Variants in GLUD1 observed in about 807,000 individuals in gnomAD.
GLUD1 encodes glutamate dehydrogenase 1, mitochondrial.
Under a neutral mutation model 56.0 loss-of-function variants are expected in GLUD1, and 22 were observed. The observed-to-expected ratio is 0.39, with a 90% CI of 0.28 to 0.56. The LOEUF (loss-of-function observed/expected upper bound fraction) is 0.56. GLUD1 is among the 20% of genes least tolerant of loss of function. The pLI is 0.58. For missense variants in GLUD1, 451 were observed against 732.0 expected (o/e 0.62, Z 4.43); for synonymous variants, 223 against 269.9 (o/e 0.83, Z 1.70).
chr10:87,072,952 T>C (rs1846278383), intron 4 of GLUD1, among the ~76,000 whole-genome samples: 1 of 152,176 alleles, frequency 6.6e-6, no homozygotes, highest in Non-Finnish European at 1.5e-5. Flanking sequence ...ACAGACTCCA[T>C]GTAAGGATGC....
intron 5 of GLUD1, 123 bp from the exon 6 acceptor site, chr10:87,062,958 G>T: frequency 1.2e-6 from 1 of 856,264 alleles, no homozygotes; most frequent in Admixed American, 2.1e-5. Flanking sequence ...AGGAGTGTGT[G>T]TATGAATGTA....
At chr10:87,093,779 T>A (rs1841609535) in intron 1 of GLUD1, among the ~76,000 whole-genome samples, 2 of 152,214 alleles carry the variant, frequency 1.3e-5, no homozygotes, top group Admixed American at 1.3e-4. Context: ...GATTAACGCG[T>A]GATTAGTAAA....
chr10:87,054,939 T>C (rs548149350), intron 11 of GLUD1, among the ~76,000 whole-genome samples: 15 of 152,210 alleles, frequency 9.9e-5, no homozygotes, highest in African/African-American at 3.6e-4. Flanking sequence ...AGGAGCTGGG[T>C]AGATGCGGAA....
intron 12 of GLUD1, 131 bp from the exon 13 acceptor site, chr10:87,052,001 G>C: frequency 6.1e-6 from 6 of 991,210 alleles, no homozygotes. Flanking sequence ...GGCAGCCAAA[G>C]ACAAACTACT....
At chr10:87,057,631 T>C (rs1845819518) in intron 11 of GLUD1, 60 bp downstream of exon 11, 1 of 881,822 alleles carries the variant, frequency 1.1e-6, no homozygotes, top group Admixed American at 1.7e-5. Context: ...TAACCAGCTC[T>C]GTCTGAAGGA....
chr10:87,069,934 T>A (rs1356423014), intron 4 of GLUD1, among the ~76,000 whole-genome samples: 6 of 152,210 alleles, frequency 3.9e-5, no homozygotes, highest in Middle Eastern at 3.2e-3. Context: ...AATGCCATAT[T>A]CTAGCCTCAT....
intron 1 of GLUD1, among the ~76,000 whole-genome samples, chr10:87,091,151 A>G (rs1030371703): frequency 4.6e-5 from 7 of 152,212 alleles, no homozygotes; most frequent in African/African-American, 1.7e-4. Context: ...TCTACGGTCC[A>G]TCAACTATAT....
intron 11 of GLUD1, among the ~76,000 whole-genome samples, chr10:87,055,642 T>G (rs1845752154): frequency 6.6e-6 from 1 of 152,222 alleles, no homozygotes; most frequent in Admixed American, 6.5e-5. Flanking sequence ...ATCAGTGTAT[T>G]CCAGATAAAA....
chr10:87,055,780 A>G (rs752597689), intron 11 of GLUD1, among the ~76,000 whole-genome samples: 21 of 152,160 alleles, frequency 1.4e-4, no homozygotes, highest in Non-Finnish European at 2.6e-4. Context: ...ATGTTGCAAT[A>G]TAGTCTCAGA....
rs1160181087 is a variant in GLUD1 at position 87,051,727 on chromosome 10, G to C, written c.*24C>G. The C allele has an allele frequency of 6.2e-7, 1 of 1,611,260 alleles. No homozygotes were observed. The highest frequency in any genetic ancestry group is 8.5e-7 in the Non-Finnish European group (1 of 1,179,194). On this transcript the variant is annotated 3_prime_UTR_variant, in exon 13 of 13. Coordinates refer to ENST00000277865, the MANE Select transcript of GLUD1 (RefSeq NM_005271.5). ...GCAGAAGTTACATGTGAAGAGGATA[G>C]TGAGGAAGTCAGCCATGATCCATCT...
At position 87,074,634 on chromosome 10, in the gene GLUD1, AAAC is replaced by A. The variant is rs565462711; in HGVS notation, c.583-23_583-21del. The A allele has an allele frequency of 3.9e-5, 54 of 1,385,592 alleles. No homozygotes were observed. In the South Asian group the frequency reaches 6.2e-4, roughly 16 times the overall value. The allele number at this position is 1,385,592 out of a possible 1,614,324, so 85.8% of individuals were successfully genotyped here. A position where few individuals can be genotyped will look rare whatever the true frequency, so the allele number is the denominator to read the frequency against. On this transcript the variant is annotated intron_variant, in intron 3 of 12. Coordinates refer to ENST00000277865, the MANE Select transcript of GLUD1 (RefSeq NM_005271.5). ...ATTATCCTGTAAAATAAGAAAACAA[AAAC>A]AAAAGAAAAAATTGATATAAAAATC...
intron 11 of GLUD1, among the ~76,000 whole-genome samples, chr10:87,055,036 T>A (rs899500782): frequency 6.6e-6 from 1 of 152,166 alleles, no homozygotes; most frequent in Non-Finnish European, 1.5e-5. Flanking sequence ...GAAAATGTGA[T>A]GTAATCACTC....
chr10:87,080,898 C>A (rs1386478113), intron 1 of GLUD1, among the ~76,000 whole-genome samples: 1 of 126,080 alleles, frequency 7.9e-6, no homozygotes, highest in Non-Finnish European at 1.7e-5. Flanking sequence ...AGGTGAGGGG[C>A]GCCTCTGCCC....
At chr10:87,054,524 G>C (rs1316943504) in intron 11 of GLUD1, among the ~76,000 whole-genome samples, 2 of 152,168 alleles carry the variant, frequency 1.3e-5, no homozygotes, top group African/African-American at 4.8e-5. Context: ...ACTGCTGATA[G>C]GTCAAGCAAG....
rs76110181 is a variant in GLUD1, at chr10:87,051,934, C to T, written c.1558-64G>A. 109 of 1,597,340 alleles carry T rather than the reference C, an allele frequency of 6.8e-5. No individual in the cohort carries two copies. In the African/African-American group the frequency reaches 1.2e-3, roughly 17 times the overall value. On this transcript the variant is annotated intron_variant, in intron 12 of 12. Coordinates refer to ENST00000277865, the MANE Select transcript of GLUD1 (RefSeq NM_005271.5). ...CTCAAGTGGCCAGGCCATAAACACACAAGGCCCAGACAGGCCTGGTCCAAG... is the reference window on the plus strand; with the variant it reads ...CTCAAGTGGCCAGGCCATAAACACATAAGGCCCAGACAGGCCTGGTCCAAG...
At chr10:87,069,292 G>T (rs547869346) in intron 4 of GLUD1, among the ~76,000 whole-genome samples, 81 of 152,062 alleles carry the variant, frequency 5.3e-4, no homozygotes, top group African/African-American at 1.7e-3. Context: ...TGAGGAGGGC[G>T]GATCACGAGG....
intron 1 of GLUD1, among the ~76,000 whole-genome samples, chr10:87,090,232 T>C (rs958657535): frequency 8.5e-5 from 13 of 152,218 alleles, no homozygotes; most frequent in African/African-American, 2.9e-4. Flanking sequence ...CTCTGAATTA[T>C]TAACAGCGGT....
At chr10:87,058,143 C>T (rs911509061) in intron 10 of GLUD1, among the ~76,000 whole-genome samples, 10 of 152,208 alleles carry the variant, frequency 6.6e-5, no homozygotes, top group Non-Finnish European at 1.5e-4. Flanking sequence ...GCTGGGATTA[C>T]AGGCGTGAGC....
intron 4 of GLUD1, 52 bp downstream of exon 4, chr10:87,074,499 A>G (rs1846328927): frequency 9.4e-7 from 1 of 1,065,134 alleles, no homozygotes; most frequent in Non-Finnish European, 1.5e-6. Flanking sequence ...AAAAAAAAAA[A>G]AAATTTTTAG....
Sources: gnomAD v4.1 joint callset for allele counts (sites outside exome capture counted in the v4.1 genomes callset) on GRCh38, gnomAD v4.1.1 for gene constraint, MANE v1.5 for transcripts, NCBI Gene and HGNC (gene_info 2026-07-23, HGNC 2026-07-21) for gene names.